The following SCN2A variants were observed in gnomAD, a reference collection of about 807,000 sequenced individuals.
SCN2A encodes the protein sodium channel protein type 2 subunit alpha.
A neutral mutation model predicts 188.7 loss-of-function variants in SCN2A; 20 were observed. The ratio of observed to expected loss-of-function variants is 0.11; its 90% confidence interval spans 0.07 to 0.15. The LOEUF (loss-of-function observed/expected upper bound fraction) is 0.15. SCN2A is among the 10% of genes least tolerant of loss of function. The pLI is 1.00. For synonymous variants in SCN2A, 804 were observed against 833.1 expected (o/e 0.97, Z 0.60); for missense variants, 1,278 against 2,445.0 (o/e 0.52, Z 10.07).
chr2:165,287,584 C>T (rs556656988), intron 1 of SCN2A, among the ~76,000 whole-genome samples: 6 of 151,812 alleles, frequency 4.0e-5, no homozygotes, highest in Non-Finnish European at 8.8e-5. Flanking sequence ...TTATTTTAGA[C>T]AGTTTAGTAA....
Position 165,349,955 on chromosome 2 carries a change from T to C in SCN2A, c.2920-4237T>C, listed in dbSNP as rs114878418. The stretch of plus-strand genomic sequence containing the variant: ...CTTTTAACACACATGAACTATCAGA[T>C]GTGGCTCCACCCAAATAGATGTAGT... On this transcript the variant is annotated intron_variant, in intron 16 of 26. Coordinates refer to ENST00000375437, the MANE Select transcript of SCN2A (RefSeq NM_001040142.2). Among the ~76,000 whole-genome samples, 495 of 152,332 alleles carry C rather than the reference T, an allele frequency of 3.2e-3. 2 individuals carry two copies. The highest frequency in any genetic ancestry group is 0.011 in the African/African-American group (457 of 41,570).
At chr2:165,303,270 G>GTTTT (rs71028477) in intron 3 of SCN2A, among the ~76,000 whole-genome samples, 25 of 91,312 alleles carry the variant, frequency 2.7e-4, no homozygotes, top group African/African-American at 8.1e-4. Context: ...TGTTATTTGA[G>GTTTT]TTTTTTTTTT....
intron 3 of SCN2A, among the ~76,000 whole-genome samples, chr2:165,306,072 GA>G (rs1208921667): frequency 6.6e-6 from 1 of 152,162 alleles, no homozygotes; most frequent in African/African-American, 2.4e-5. Flanking sequence ...CAGGAAGGAG[GA>G]AAGAATTGGT....
chr2:165,318,940 TA>T (rs1361547344), intron 11 of SCN2A, among the ~76,000 whole-genome samples: 2 of 152,078 alleles, frequency 1.3e-5, no homozygotes, highest in Admixed American at 6.5e-5. Flanking sequence ...TGGAAAATGA[TA>T]AAAGAAAAGA....
At chr2:165,363,109 A>G (rs1459711835) in intron 17 of SCN2A, among the ~76,000 whole-genome samples, 1 of 152,118 alleles carries the variant, frequency 6.6e-6, no homozygotes, top group Non-Finnish European at 1.5e-5. Flanking sequence ...CTGTCTGGTG[A>G]CTTCTCCCAA....
intron 14 of SCN2A, among the ~76,000 whole-genome samples, chr2:165,332,564 A>C (rs1698750086): frequency 6.6e-6 from 1 of 152,066 alleles, no homozygotes; most frequent in African/African-American, 2.4e-5. Context: ...ATGCTGTATC[A>C]GACTCTGAAA....
chr2:165,262,659 G>A (rs970591170), intron 1 of SCN2A, among the ~76,000 whole-genome samples: 13 of 151,940 alleles, frequency 8.6e-5, no homozygotes, highest in Admixed American at 2.0e-4. Flanking sequence ...ATTAATGGGC[G>A]TTTGGGCTGG....
At chr2:165,252,454 G>T (rs746097110) in intron 1 of SCN2A, among the ~76,000 whole-genome samples, 1 of 151,934 alleles carries the variant, frequency 6.6e-6, no homozygotes, top group Non-Finnish European at 1.5e-5. Flanking sequence ...ACTCATTAAA[G>T]TAAAACTAGT....
chr2:165,340,979 T>C (rs1051210781), intron 14 of SCN2A, among the ~76,000 whole-genome samples: 2 of 152,176 alleles, frequency 1.3e-5, no homozygotes, highest in African/African-American at 4.8e-5. Flanking sequence ...TAGACAAGTA[T>C]GCAATCTTCG....
intron 16 of SCN2A, among the ~76,000 whole-genome samples, chr2:165,353,270 C>A (rs1014259886): frequency 6.6e-6 from 1 of 151,928 alleles, no homozygotes; most frequent in South Asian, 2.1e-4. Context: ...ATTATAGTAG[C>A]CATAATTGTC....
chr2:165,273,096 A>C (rs939393885), intron 1 of SCN2A: 1 of 152,162 alleles, frequency 6.6e-6, no homozygotes, highest in Non-Finnish European at 1.5e-5. Context: ...TCAAAATGCC[A>C]ATAAATAAAA....
chr2:165,387,010 A>C lies in SCN2A; in HGVS notation c.4816A>C (p.Ile1606Leu). The C allele has an allele frequency of 6.2e-7, 1 of 1,613,578 alleles. No homozygotes were observed. Among genetic ancestry groups the C allele is most frequent in the Non-Finnish European group, 8.5e-7 (1 of 1,179,678 alleles). ...TGATTTTGTGGTGGTCATTCTCTCC[A>C]TTGTAGGTAAGAAGAGGTGCTTTTA... Reference protein sequence around the residue: ...IFDFVVVILSIVGMFLAELIE... With the variant: ...IFDFVVVILSLVGMFLAELIE... Residue 1606 changes from isoleucine to leucine, a missense_variant, in exon 26 of 27, where the codon ATT becomes CTT. Physicochemically the swap from Ile to Leu is conservative, Grantham distance 5. This residue lies in a region of SCN2A where 97 missense variants were observed against 266.1 expected (regional missense o/e 0.36). Transcript: ENST00000375437.
chr2:165,262,465 C>T (rs1040225971), intron 1 of SCN2A, among the ~76,000 whole-genome samples: 2 of 152,058 alleles, frequency 1.3e-5, no homozygotes, highest in Non-Finnish European at 2.9e-5. Context: ...TGAGAACTTA[C>T]GATGTTTGGT....
At chr2:165,250,123 A>G (rs182862421) in intron 1 of SCN2A, among the ~76,000 whole-genome samples, 23 of 152,104 alleles carry the variant, frequency 1.5e-4, no homozygotes, top group East Asian at 7.7e-4. Flanking sequence ...GTCATATTTA[A>G]TTGTGTACTA....
At position 165,240,330 on chromosome 2, in the gene SCN2A, G is replaced by A. The variant is rs898889919; in HGVS notation, c.-52+690G>A. 1.5e-4 allele frequency among the ~76,000 whole-genome samples: 23 copies of A among 152,206 alleles called. No individual in the cohort carries two copies. The East Asian group carries it at 1.5e-3, about 10-fold the overall frequency. On this transcript the variant is annotated intron_variant, in intron 1 of 26. Coordinates refer to ENST00000375437, the MANE Select transcript of SCN2A (RefSeq NM_001040142.2). The stretch of plus-strand genomic sequence containing the variant: ...TTATTGGATTTGGGATAATAGAACC[G>A]TGGCCATTTTAAATAGTTGATATTA...
At chr2:165,347,938 C>T (rs890809405) in intron 16 of SCN2A, among the ~76,000 whole-genome samples, 7 of 152,268 alleles carry the variant, frequency 4.6e-5, no homozygotes, top group South Asian at 2.1e-4. Flanking sequence ...CTGAGGGATA[C>T]AGGACAGTAG....
chr2:165,291,478 CTTTCTTTCTTTCT>C (rs1384622341), intron 1 of SCN2A, among the ~76,000 whole-genome samples: 1 of 47,606 alleles, frequency 2.1e-5, no homozygotes, highest in African/African-American at 7.6e-5. Context: ...TTCTTTCTTT[CTTTCTTTCTTTCT>C]TTTCTTTCTT....
At position 165,295,981 on chromosome 2, in the gene SCN2A, A is replaced by G; in HGVS notation, c.158A>G (p.Asn53Ser). 1.2e-6 allele frequency: 2 copies of G among 1,614,178 alleles called. No individual in the cohort carries two copies. The highest frequency in any genetic ancestry group is 8.5e-7 in the Non-Finnish European group (1 of 1,180,022). ...DEDDENGPKP[N>S]SDLEAGKSLP... ...GATGATGAAAATGGCCCAAAGCCAA[A>G]CAGTGACTTGGAAGCAGGAAAATCT... Residue 53 changes from asparagine (N) to serine (S), a missense_variant, in exon 2 of 27, where the codon AAC (asparagine) becomes AGC (serine). Asn to Ser is a conservative substitution (Grantham distance 46). Around this residue, in one of 17 missense-constraint regions of SCN2A, gnomAD observed 141 missense variants for 185.4 expected, o/e 0.76. Coordinates refer to ENST00000375437, the MANE Select transcript of SCN2A (RefSeq NM_001040142.2).
chr2:165,346,965 G>C (rs887561765), intron 16 of SCN2A, among the ~76,000 whole-genome samples: 1 of 152,216 alleles, frequency 6.6e-6, no homozygotes, highest in South Asian at 2.1e-4. Context: ...AGGATGTGGA[G>C]AAATAGGAAT....
Sources: gnomAD v4.1 joint callset for allele counts (sites outside exome capture counted in the v4.1 genomes callset) on GRCh38, gnomAD v4.1.1 for gene constraint, gnomAD v4.1.1 regional missense constraint, MANE v1.5 for transcripts, NCBI Gene and HGNC (gene_info 2026-07-23, HGNC 2026-07-21) for gene names.